EYS: variants seen among roughly 807,000 people sequenced by gnomAD.
The protein encoded by EYS is EGF-like photoreceptor maintenance factor.
A neutral mutation model predicts 282.1 loss-of-function variants in EYS; 250 were observed. That is an observed-to-expected ratio of 0.89 (90% CI 0.80 to 0.98). EYS has a LOEUF of 0.98. Among genes scored for constraint, EYS ranks in the 50% least tolerant of loss-of-function variants. EYS has a pLI of 0.00. For synonymous variants in EYS, 1,355 were observed against 1,282.9 expected (o/e 1.06, Z -1.20); for missense variants, 4,016 against 3,709.0 (o/e 1.08, Z -2.15).
chr6:64,769,196 T>C (rs1773449701), intron 22 of EYS, among the ~76,000 whole-genome samples: 1 of 152,102 alleles, frequency 6.6e-6, no homozygotes, highest in African/African-American at 2.4e-5. Context: ...CTAAATCATT[T>C]CTTTTTAGGT....
intron 22 of EYS, among the ~76,000 whole-genome samples, chr6:64,793,921 A>C (rs1219058910): frequency 6.6e-6 from 1 of 152,140 alleles, no homozygotes; most frequent in African/African-American, 2.4e-5. Flanking sequence ...CCCTAAGCAC[A>C]ATGTTTCAGG....
chr6:64,635,445 T>C (rs962389462), intron 22 of EYS, among the ~76,000 whole-genome samples: 4 of 152,212 alleles, frequency 2.6e-5, no homozygotes, highest in Non-Finnish European at 5.9e-5. Flanking sequence ...TTCAGTATGA[T>C]ACTGGCTGTG....
intron 36 of EYS, among the ~76,000 whole-genome samples, chr6:63,841,674 T>C (rs1337740372): frequency 6.6e-6 from 1 of 152,194 alleles, no homozygotes. Flanking sequence ...GCTTGTTACA[T>C]AGGTGTACAT....
chr6:64,983,232 C>A (rs1269368694), intron 14 of EYS, among the ~76,000 whole-genome samples: 1 of 150,948 alleles, frequency 6.6e-6, no homozygotes, highest in Admixed American at 6.6e-5. Flanking sequence ...TGCTACACTG[C>A]CTAGACAGAA....
chr6:63,848,210 G>A (rs1234233190), intron 36 of EYS, among the ~76,000 whole-genome samples: 1 of 151,984 alleles, frequency 6.6e-6, no homozygotes, highest in African/African-American at 2.4e-5. Context: ...ATTAGCTGAA[G>A]TTTTAGTCAC....
chr6:64,197,323 G>C (rs760787591), intron 31 of EYS, among the ~76,000 whole-genome samples: 28 of 152,148 alleles, frequency 1.8e-4, no homozygotes, highest in Admixed American at 5.9e-4. Flanking sequence ...TTTTAGCCAT[G>C]GGATTTCACT....
chr6:64,151,344 TATATATATATATATATATA>T (rs1207608868), intron 31 of EYS, among the ~76,000 whole-genome samples: 3 of 118,720 alleles, frequency 2.5e-5, no homozygotes, highest in African/African-American at 1.3e-4. Flanking sequence ...TATATATATA[TATATATATATATATATATA>T]ATTTTTTTTT....
chr6:64,610,505 G>A (rs1767081007), intron 24 of EYS, among the ~76,000 whole-genome samples: 1 of 150,260 alleles, frequency 6.7e-6, no homozygotes, highest in Non-Finnish European at 1.5e-5. Context: ...CCCGGTTCAA[G>A]CGATCCTTGT....
intron 31 of EYS, among the ~76,000 whole-genome samples, chr6:64,148,191 G>A (rs903888782): frequency 2.6e-5 from 4 of 151,986 alleles, no homozygotes; most frequent in Admixed American, 2.6e-4. Flanking sequence ...AAATTTTGTT[G>A]TATTTCATCT....
chr6:64,727,223 A>G (rs1452058957), intron 22 of EYS, among the ~76,000 whole-genome samples: 1 of 152,180 alleles, frequency 6.6e-6, no homozygotes, highest in East Asian at 1.9e-4. Flanking sequence ...AGACATATTA[A>G]ATTCTTAAAG....
intron 2 of EYS, among the ~76,000 whole-genome samples, chr6:65,613,754 G>A (rs1426429142): frequency 6.6e-6 from 1 of 151,808 alleles, no homozygotes; most frequent in Non-Finnish European, 1.5e-5. Context: ...TTTCAATTAT[G>A]ATGAATTATG....
intron 2 of EYS, among the ~76,000 whole-genome samples, chr6:65,506,458 T>C (rs1766658578): frequency 2.4e-5 from 3 of 125,410 alleles, no homozygotes; most frequent in Admixed American, 9.2e-5. Flanking sequence ...CTTCCTTCCT[T>C]TCTTTTTTTT....
At chr6:64,367,217 A>G (rs950579684) in intron 29 of EYS, among the ~76,000 whole-genome samples, 6 of 152,084 alleles carry the variant, frequency 3.9e-5, no homozygotes, top group African/African-American at 1.4e-4. Context: ...TATGCTTTAT[A>G]GATCCTCTCT....
chr6:64,781,426 A>G (rs1773855346), intron 22 of EYS, among the ~76,000 whole-genome samples: 1 of 152,006 alleles, frequency 6.6e-6, no homozygotes. Context: ...ATGAAATGAC[A>G]CTTATGGCCG....
intron 31 of EYS, among the ~76,000 whole-genome samples, chr6:64,139,458 A>AT (rs1187044873): frequency 1.4e-4 from 21 of 152,088 alleles, no homozygotes; most frequent in Admixed American, 3.9e-4. Flanking sequence ...AATTAAAAAT[A>AT]TTTTTTTAAA....
intron 2 of EYS, among the ~76,000 whole-genome samples, chr6:65,599,544 C>G (rs1765542515): frequency 6.6e-6 from 1 of 151,970 alleles, no homozygotes; most frequent in Non-Finnish European, 1.5e-5. Flanking sequence ...GATTCAAACT[C>G]TGTTGTTTAT....
chr6:64,626,990 G>A (rs533140087), intron 22 of EYS, among the ~76,000 whole-genome samples: 78 of 152,296 alleles, frequency 5.1e-4, no homozygotes, highest in South Asian at 1.2e-3. Flanking sequence ...CAATAGGTCA[G>A]AGACTATTGT....
intron 2 of EYS, among the ~76,000 whole-genome samples, chr6:65,620,988 T>G (rs1486371293): frequency 6.6e-6 from 1 of 152,188 alleles, no homozygotes; most frequent in African/African-American, 2.4e-5. Context: ...TGGTCAATTT[T>G]GGAATAGGTG....
intron 33 of EYS, among the ~76,000 whole-genome samples, chr6:64,009,884 A>G (rs1004925364): frequency 2.6e-5 from 4 of 152,082 alleles, no homozygotes; most frequent in Non-Finnish European, 5.9e-5. Flanking sequence ...TGAAGTTGCT[A>G]TCCTTTGGAT....
Sources: allele counts gnomAD v4.1 joint callset (sites outside exome capture counted in the v4.1 genomes callset), GRCh38; gene constraint gnomAD v4.1.1; transcripts MANE v1.5; gene names NCBI Gene and HGNC (gene_info 2026-07-23, HGNC 2026-07-21).